The following GREB1L variants were observed in gnomAD, a reference collection of about 807,000 sequenced individuals.
GREB1L encodes GREB1 like retinoic acid receptor coactivator.
A neutral mutation model predicts 200.8 loss-of-function variants in GREB1L; 17 were observed. The ratio of observed to expected loss-of-function variants is 0.08; its 90% CI spans 0.06 to 0.13. The LOEUF (loss-of-function observed/expected upper bound fraction) is 0.13. Among genes scored for constraint, GREB1L ranks in the 10% least tolerant of loss-of-function variants. GREB1L has a pLI of 1.00. For synonymous variants in GREB1L, 789 were observed against 893.0 expected, an observed-to-expected ratio of 0.88 and a Z score of 2.08; for missense variants, 1,657 against 2,367.7, an observed-to-expected ratio of 0.70 and a Z score of 6.23.
intron 1 of GREB1L, among the ~76,000 whole-genome samples, chr18:21,269,917 C>T (rs1567915591): frequency 6.6e-6 from 1 of 152,016 alleles, no homozygotes; most frequent in Non-Finnish European, 1.5e-5. Flanking sequence ...AAACATACAA[C>T]AAGAAAGAAC....
chr18:21,370,612 T>C (rs2039835938), intron 2 of GREB1L, among the ~76,000 whole-genome samples: 1 of 152,208 alleles, frequency 6.6e-6, no homozygotes, highest in Non-Finnish European at 1.5e-5. Context: ...ATAGAATTAT[T>C]CTACAGATGA....
chr18:21,314,554 A>G (rs1031974418), intron 1 of GREB1L, among the ~76,000 whole-genome samples: 2 of 152,228 alleles, frequency 1.3e-5, no homozygotes, highest in African/African-American at 4.8e-5. Flanking sequence ...GACTTGTGAA[A>G]TGGGGAAGAA....
At chr18:21,481,991 A>G (rs1443988754) in intron 17 of GREB1L, among the ~76,000 whole-genome samples, 1 of 152,156 alleles carries the variant, frequency 6.6e-6, no homozygotes, top group Non-Finnish European at 1.5e-5. Flanking sequence ...TCAGGTACTC[A>G]TATGTTCAGC....
intron 1 of GREB1L, among the ~76,000 whole-genome samples, chr18:21,263,618 G>T (rs2037922658): frequency 6.6e-6 from 1 of 152,090 alleles, no homozygotes; most frequent in Admixed American, 6.6e-5. Flanking sequence ...TTATGATATG[G>T]TTATGTAAAT....
At chr18:21,333,667 C>G (rs1304530924) in intron 1 of GREB1L, among the ~76,000 whole-genome samples, 1 of 141,740 alleles carries the variant, frequency 7.1e-6, no homozygotes, top group Admixed American at 7.1e-5. Flanking sequence ...AAGAGTAAAA[C>G]TCTGTCTCAA....
intron 1 of GREB1L, among the ~76,000 whole-genome samples, chr18:21,312,654 A>G (rs2038810262): frequency 6.6e-6 from 1 of 151,996 alleles, no homozygotes; most frequent in East Asian, 1.9e-4. Flanking sequence ...CCCGGGTTCA[A>G]GTGATTCTCC....
In GREB1L at chr18:21,500,118, G is replaced by A. The variant is rs528385688; in HGVS notation, c.3781G>A (p.Asp1261Asn). Residue 1261 changes from aspartate to asparagine, a missense_variant, in exon 22 of 33, where the codon GAC becomes AAC. Around this residue, in one of 9 missense-constraint regions of GREB1L, gnomAD observed 512 missense variants for 668.3 expected, o/e 0.77. Coordinates refer to ENST00000424526, the MANE Select transcript of GREB1L (RefSeq NM_001142966.3). ...PSSSSLLPHA[D>N]VAWVSSLRPL... ...CTCCTCCTCCCTGCTGCCCCACGCC[G>A]ACGTGGCCTGGGTGAGCTCCCTGCG... 2.5e-5 allele frequency: 39 copies of A among 1,551,686 alleles called. No homozygotes were observed. The South Asian group carries it at 3.7e-4, about 15-fold the overall frequency.
chr18:21,375,667 C>T (rs2040042484), intron 2 of GREB1L, among the ~76,000 whole-genome samples: 1 of 152,174 alleles, frequency 6.6e-6, no homozygotes, highest in Non-Finnish European at 1.5e-5. Flanking sequence ...CCTAAGAGAG[C>T]TGCTTCTGAG....
In GREB1L at chr18:21,508,440, G is replaced by A. The variant is rs1206612068; in HGVS notation, c.4584G>A (p.Glu1528=). The A allele has an allele frequency of 6.4e-7, 1 of 1,551,664 alleles. No homozygotes were observed. The highest frequency in any genetic ancestry group is 2.4e-5 in the East Asian group (1 of 40,914). ...PIFTPSSGRH[E]HGLLNLFHAM... is the part of the protein sequence containing the mutation. ...TCACTCCTTCCAGTGGTCGACATGA[G>A]CACGGACTCCTAAACCTTTTCCACG... Residue 1528 remains glutamate, a synonymous_variant, in exon 27 of 33, where the codon GAG becomes GAA. Coordinates refer to ENST00000424526, the MANE Select transcript of GREB1L (RefSeq NM_001142966.3).
At chr18:21,281,219 G>C (rs546839638) in intron 1 of GREB1L, among the ~76,000 whole-genome samples, 1 of 152,190 alleles carries the variant, frequency 6.6e-6, no homozygotes, top group African/African-American at 2.4e-5. Context: ...ACCTAACCTG[G>C]TGCTGCCTTT....
intron 7 of GREB1L, among the ~76,000 whole-genome samples, chr18:21,426,973 C>CAAAAAAAAAAAAAAAAAAAAA (rs56776768): frequency 2.4e-5 from 2 of 83,784 alleles, no homozygotes; most frequent in Non-Finnish European, 3.4e-5. Context: ...AAAAAAAAAA[C>CAAAAAAAAAAAAAAAAAAAAA]AAAAAAAAAA....
intron 9 of GREB1L, 65 bp from the exon 10 acceptor site, chr18:21,441,335 T>C: frequency 7.5e-7 from 1 of 1,337,688 alleles, no homozygotes; most frequent in East Asian, 2.6e-5. Context: ...TAAAACTGCA[T>C]TGCTTTCTAT....
At chr18:21,495,341 T>C (rs2036504014) in intron 19 of GREB1L, among the ~76,000 whole-genome samples, 4 of 152,322 alleles carry the variant, frequency 2.6e-5, no homozygotes, top group South Asian at 4.1e-4. Flanking sequence ...GTGCCTGGAT[T>C]CAGGTAGTTT....
At chr18:21,375,119 A>G (rs1296008464) in intron 2 of GREB1L, among the ~76,000 whole-genome samples, 1 of 150,840 alleles carries the variant, frequency 6.6e-6, no homozygotes, top group East Asian at 1.9e-4. Context: ...GCTGGAATGC[A>G]GTGGCACGAA....
At position 21,496,504 on chromosome 18, in the gene GREB1L, G is replaced by A. The variant is rs766987038; in HGVS notation, c.3197G>A (p.Arg1066His). ...LRLIDSSYLT[R>H]TALEQEVGLA... is the part of the protein sequence containing the mutation. ...TTAATTGACTCAAGCTATTTAACTC[G>A]CACGGCCTTGGAGCAGGAGGTGGGT... Residue 1066 changes from arginine (R) to histidine (H), a missense_variant, in exon 21 of 33, where the codon CGC (arginine) becomes CAC (histidine). Coordinates refer to ENST00000424526, the MANE Select transcript of GREB1L (RefSeq NM_001142966.3). 7 of 1,551,668 alleles carry A rather than the reference G, an allele frequency of 4.5e-6. No individual in the cohort carries two copies. Among genetic ancestry groups the A allele is most frequent in the South Asian group, 3.6e-5 (3 of 84,068 alleles).
chr18:21,276,346 G>A (rs1356814564), intron 1 of GREB1L, among the ~76,000 whole-genome samples: 1 of 152,154 alleles, frequency 6.6e-6, no homozygotes, highest in Non-Finnish European at 1.5e-5. Context: ...TCAGGTTGTT[G>A]AGTTTTATTG....
At chr18:21,518,314 C>G in intron 31 of GREB1L, 80 bp downstream of exon 31, 1 of 1,321,828 alleles carries the variant, frequency 7.6e-7, no homozygotes, top group South Asian at 1.4e-5. Context: ...AAAAAAGGAG[C>G]CTGTGACATG....
At chr18:21,414,776 G>T (rs1181079974) in intron 7 of GREB1L, among the ~76,000 whole-genome samples, 1 of 152,160 alleles carries the variant, frequency 6.6e-6, no homozygotes, top group Admixed American at 6.5e-5. Flanking sequence ...ATCAGTAGCA[G>T]ATCAGCTCAA....
chr18:21,372,650 G>A (rs2039922710), intron 2 of GREB1L, among the ~76,000 whole-genome samples: 1 of 151,956 alleles, frequency 6.6e-6, no homozygotes, highest in Admixed American at 6.6e-5. Context: ...TGCCGGGTGC[G>A]GTGGCTCATG....
Sources: allele counts gnomAD v4.1 joint callset (sites outside exome capture counted in the v4.1 genomes callset), GRCh38; gene constraint gnomAD v4.1.1; regional missense constraint gnomAD v4.1.1; transcripts MANE v1.5; gene names NCBI Gene and HGNC (gene_info 2026-07-23, HGNC 2026-07-21).